The following KAZN variants were observed in gnomAD, a reference collection of about 807,000 sequenced individuals.
KAZN encodes the protein kazrin, periplakin interacting protein.
Under a neutral mutation model 87.4 loss-of-function variants are expected in KAZN, and 40 were observed. The ratio of observed to expected loss-of-function variants is 0.46; its 90% confidence interval spans 0.36 to 0.60. The LOEUF is 0.60. KAZN is among the 20% of genes least tolerant of loss of function. KAZN has a pLI of 0.00. For synonymous variants in KAZN, 466 were observed against 458.3 expected (o/e 1.02, Z -0.22); for missense variants, 898 against 1,073.9 (o/e 0.84, Z 2.29).
At chr1:15,012,944 G>A (rs1321796114) in intron 2 of KAZN, among the ~76,000 whole-genome samples, 2 of 152,024 alleles carry the variant, frequency 1.3e-5, no homozygotes, top group African/African-American at 4.8e-5. Context: ...AATGGGAAGC[G>A]TCAAGCTCAC....
intron 2 of KAZN, among the ~76,000 whole-genome samples, chr1:14,412,976 TATAAA>T (rs1432853445): frequency 6.7e-6 from 1 of 148,442 alleles, no homozygotes; most frequent in Non-Finnish European, 1.5e-5. Flanking sequence ...TGTATAAATA[TATAAA>T]ATATAAAAAC....
At chr1:14,767,441 G>A (rs1050435791) in intron 1 of KAZN, among the ~76,000 whole-genome samples, 3 of 152,164 alleles carry the variant, frequency 2.0e-5, no homozygotes, top group African/African-American at 4.8e-5. Context: ...TGAATCCCAC[G>A]GGGCAAGAAT....
intron 2 of KAZN, among the ~76,000 whole-genome samples, chr1:14,576,203 A>C (rs1315212829): frequency 6.6e-6 from 1 of 152,246 alleles, no homozygotes; most frequent in Non-Finnish European, 1.5e-5. Flanking sequence ...TGGACCTCAC[A>C]GATTATAGTA....
intron 1 of KAZN, among the ~76,000 whole-genome samples, chr1:14,878,152 A>T (rs1300438977): frequency 6.6e-6 from 1 of 152,102 alleles, no homozygotes; most frequent in African/African-American, 2.4e-5. Flanking sequence ...CTACCCTCTA[A>T]AATTGAATGA....
At chr1:14,443,053 A>G (rs1035949503) in intron 2 of KAZN, among the ~76,000 whole-genome samples, 2 of 152,100 alleles carry the variant, frequency 1.3e-5, no homozygotes, top group Non-Finnish European at 1.5e-5. Flanking sequence ...TCTGGTCCCC[A>G]TTTCTCTTTT....
intron 2 of KAZN, among the ~76,000 whole-genome samples, chr1:14,437,120 C>A (rs1393411365): frequency 1.3e-5 from 2 of 152,134 alleles, no homozygotes; most frequent in African/African-American, 4.8e-5. Context: ...TTGATGTGTC[C>A]CAGTTAGATC....
intron 1 of KAZN, among the ~76,000 whole-genome samples, chr1:14,050,228 G>C (rs1251430745): frequency 6.6e-6 from 1 of 151,866 alleles, no homozygotes; most frequent in Non-Finnish European, 1.5e-5. Context: ...ATGTGCACAT[G>C]TATATGTGTG....
intron 2 of KAZN, among the ~76,000 whole-genome samples, chr1:14,225,994 A>G (rs1181769812): frequency 6.6e-6 from 1 of 152,078 alleles, no homozygotes. Context: ...TGCAACAAAA[A>G]CAAAAATTGA....
At chr1:14,109,254 A>C (rs564200916) in intron 1 of KAZN, among the ~76,000 whole-genome samples, 2 of 152,326 alleles carry the variant, frequency 1.3e-5, no homozygotes, top group Admixed American at 6.5e-5. Flanking sequence ...GTTGCAATAG[A>C]GGACAAAGAG....
intron 2 of KAZN, among the ~76,000 whole-genome samples, chr1:14,218,514 A>G (rs1292175228): frequency 6.6e-6 from 1 of 152,182 alleles, no homozygotes; most frequent in African/African-American, 2.4e-5. Flanking sequence ...CCTCGTTAGC[A>G]AGGAAGCTAG....
chr1:14,585,911 C>T (rs1341123576), intron 2 of KAZN, among the ~76,000 whole-genome samples: 4 of 152,146 alleles, frequency 2.6e-5, no homozygotes, highest in African/African-American at 9.7e-5. Context: ...AGCTGAACCC[C>T]AACACCTTCC....
chr1:14,554,983 T>C (rs961561018), intron 2 of KAZN, among the ~76,000 whole-genome samples: 1 of 152,236 alleles, frequency 6.6e-6, no homozygotes. Flanking sequence ...CCTTAGCTCC[T>C]TTTAGAGCTA....
intron 1 of KAZN, among the ~76,000 whole-genome samples, chr1:13,963,961 A>T (rs1641852032): frequency 6.6e-6 from 1 of 152,184 alleles, no homozygotes; most frequent in Non-Finnish European, 1.5e-5. Flanking sequence ...GTAAAACGGG[A>T]TAAGAGTATC....
chr1:14,811,134 A>G (rs181839832), intron 1 of KAZN, among the ~76,000 whole-genome samples: 128 of 152,182 alleles, frequency 8.4e-4, no homozygotes, highest in Non-Finnish European at 1.3e-3. Flanking sequence ...CCCTCCCCCA[A>G]CCGACAGCAC....
rs1639403374 is a variant in KAZN at position 13,905,528 on chromosome 1, TG to T, written c.91+11773del. Among the ~76,000 whole-genome samples the T allele has an allele frequency of 5.9e-5, 9 of 152,150 alleles. 2 individuals are homozygous for T. The South Asian group carries it at 1.9e-3, about 32-fold the overall frequency. Reference sequence around the variant, plus strand: ...AAGCTTTCTTACCTCCCCGTGCCTGTGTTCAGGACCCACATCCAAGTCTCAT... The same window carrying T: ...AAGCTTTCTTACCTCCCCGTGCCTGTTTCAGGACCCACATCCAAGTCTCAT... On this transcript the variant is annotated intron_variant, in intron 1 of 16. Coordinates refer to the KAZN transcript ENST00000636203.
intron 1 of KAZN, among the ~76,000 whole-genome samples, chr1:14,645,176 C>A (rs1680718947): frequency 6.6e-6 from 1 of 152,114 alleles, no homozygotes; most frequent in Non-Finnish European, 1.5e-5. Flanking sequence ...GTTTTTGTAC[C>A]AGTACCATGC....
intron 2 of KAZN, among the ~76,000 whole-genome samples, chr1:14,280,158 C>T (rs552474190): frequency 1.3e-5 from 2 of 151,928 alleles, no homozygotes; most frequent in South Asian, 2.1e-4. Flanking sequence ...GTCAAGAGAT[C>T]GAGACCATCC....
At chr1:13,956,045 C>T (rs1053560034) in intron 1 of KAZN, among the ~76,000 whole-genome samples, 5 of 152,216 alleles carry the variant, frequency 3.3e-5, no homozygotes, top group African/African-American at 1.2e-4. Context: ...TCTGTAAAGG[C>T]TGCTGGATGA....
chr1:14,924,040 G>T (rs1308977321), intron 1 of KAZN: 1 of 879,694 alleles, frequency 1.1e-6, no homozygotes, highest in African/African-American at 2.0e-5. Flanking sequence ...CAGTCTGGGC[G>T]CCGCGGCGGG....
Sources: allele counts gnomAD v4.1 joint callset (sites outside exome capture counted in the v4.1 genomes callset), GRCh38; gene constraint gnomAD v4.1.1; transcripts MANE v1.5; gene names NCBI Gene and HGNC (gene_info 2026-07-23, HGNC 2026-07-21).